CHD7: variants seen among roughly 807,000 people sequenced by gnomAD.
The protein encoded by CHD7 is chromodomain helicase DNA binding protein 7.
In CHD7, 24 loss-of-function variants were observed where a neutral mutation model predicts 307.3. The ratio of observed to expected loss-of-function variants is 0.08; its 90% confidence interval spans 0.06 to 0.11. CHD7 has a LOEUF of 0.11. Among genes scored for constraint, CHD7 ranks in the 10% least tolerant of loss-of-function variants. The probability of loss-of-function intolerance (pLI) is 1.00; values close to 1 mark genes in which losing one functional copy is unlikely to be tolerated. For missense variants in CHD7, 3,106 were observed against 3,727.1 expected (o/e 0.83, Z 4.34); for synonymous variants, 1,363 against 1,349.9 (o/e 1.01, Z -0.21).
At chr8:60,801,856 A>G (rs550779784) in intron 6 of CHD7, among the ~76,000 whole-genome samples, 1 of 152,310 alleles carries the variant, frequency 6.6e-6, no homozygotes, top group African/African-American at 2.4e-5. Context: ...AATGTATGGG[A>G]CTTTCAGAGT....
At chr8:60,856,343 C>T in intron 33 of CHD7, 102 bp from the exon 34 acceptor site, 1 of 1,303,682 alleles carries the variant, frequency 7.7e-7, no homozygotes, top group South Asian at 1.5e-5. Flanking sequence ...GTCATGAATG[C>T]TTAATTCCTT....
At chr8:60,698,770 T>C (rs114009216) in intron 1 of CHD7, among the ~76,000 whole-genome samples, 149 of 152,308 alleles carry the variant, frequency 9.8e-4, no homozygotes, top group African/African-American at 3.2e-3. Context: ...GACTTGACTT[T>C]TCTTCTCTTC....
intron 6 of CHD7, among the ~76,000 whole-genome samples, chr8:60,803,191 A>G (rs1008607019): frequency 2.2e-4 from 33 of 152,228 alleles, no homozygotes; most frequent in African/African-American, 4.6e-4. Flanking sequence ...TTGAAGAACA[A>G]TCCCCTTCAC....
chr8:60,686,077 C>T (rs938009808), intron 1 of CHD7, among the ~76,000 whole-genome samples: 3 of 152,132 alleles, frequency 2.0e-5, no homozygotes, highest in African/African-American at 7.2e-5. Flanking sequence ...CCTCATGGGC[C>T]TTTCTGGTGG....
intron 1 of CHD7, among the ~76,000 whole-genome samples, chr8:60,720,235 A>G (rs1299392388): frequency 6.6e-6 from 1 of 152,214 alleles, no homozygotes; most frequent in African/African-American, 2.4e-5. Flanking sequence ...TTCACTATTG[A>G]AAATGGCACG....
chr8:60,815,894 C>T (rs896045090), intron 7 of CHD7, among the ~76,000 whole-genome samples: 1 of 152,184 alleles, frequency 6.6e-6, no homozygotes, highest in Non-Finnish European at 1.5e-5. Context: ...GGGCACCCTA[C>T]ACCTCTTATC....
intron 1 of CHD7, among the ~76,000 whole-genome samples, chr8:60,717,412 A>G (rs1451696211): frequency 6.6e-6 from 1 of 152,132 alleles, no homozygotes. Context: ...AGCACTATGT[A>G]TTTTGTTTAT....
At position 60,781,422 on chromosome 8, in the gene CHD7, A is replaced by G; in HGVS notation, c.2088A>G (p.Lys696=). 6.6e-7 allele frequency: 1 copy of G among 1,523,146 alleles called. No homozygotes were observed. The highest frequency in any genetic ancestry group is 8.7e-7 in the Non-Finnish European group (1 of 1,144,298). 94.4% of individuals were successfully genotyped at this position (1,523,146 alleles called of 1,614,324 possible). The change falls in exon 3 of 38, where the codon AAA becomes AAG. Residue 696 remains lysine (K), a synonymous_variant. Transcript: ENST00000423902. ...CCACGCCAAAACCCAAATCCAGCAAAAAGTCAAGGTAGGCTGTGGGCAGAA... is the reference window on the plus strand; with the variant it reads ...CCACGCCAAAACCCAAATCCAGCAAGAAGTCAAGGTAGGCTGTGGGCAGAA... ...KTATPKPKSS[K]KSSNKKPDSE... is the part of the protein sequence containing the mutation.
chr8:60,793,192 C>CT (rs2150693832), intron 3 of CHD7, among the ~76,000 whole-genome samples: 1 of 152,084 alleles, frequency 6.6e-6, no homozygotes, highest in Admixed American at 6.6e-5. Context: ...GGGGAGACTT[C>CT]TGTCCATGTG....
rs2150581364 is a variant in CHD7, at chr8:60,743,004, C to T, written c.1572C>T (p.His524=). 1 of 1,613,864 alleles carries T rather than the reference C, an allele frequency of 6.2e-7. No individual in the cohort carries two copies. The highest frequency in any genetic ancestry group is 2.2e-5 in the East Asian group (1 of 44,872). ...CACTGCAGCCTCACCCGGGCTTGCA[C>T]CACCAGTCTTCACCTCCACACCCTC... is the stretch of plus-strand genomic sequence containing the variant. ...CPPLQPHPGL[H]HQSSPPHPHH... Residue 524 remains histidine (H), a synonymous_variant, in exon 2 of 38, where the codon CAC becomes CAT. Transcript: ENST00000423902.
In CHD7 at chr8:60,741,505, G is replaced by C; in HGVS notation, c.73G>C (p.Gly25Arg). 2 of 1,612,842 alleles carry C rather than the reference G, an allele frequency of 1.2e-6. No individual in the cohort carries two copies. The highest frequency in any genetic ancestry group is 1.3e-5 in the African/African-American group (1 of 75,024). The change falls in exon 2 of 38, where the codon GGA becomes CGA. Residue 25 changes from glycine (G) to arginine (R), a missense_variant. Around this residue, in one of 10 missense-constraint regions of CHD7, gnomAD observed 998 missense variants for 1,004.5 expected, o/e 0.99. Coordinates refer to ENST00000423902, the MANE Select transcript of CHD7 (RefSeq NM_017780.4). ...NIFSEGLEGL[G>R]ECGYPENPVN... ...TTTCAGTGAAGGTCTTGAAGGCCTC[G>C]GAGAATGTGGTTACCCGGAAAATCC...
intron 1 of CHD7, among the ~76,000 whole-genome samples, chr8:60,732,115 G>A (rs1259987224): frequency 1.3e-5 from 2 of 152,050 alleles, no homozygotes; most frequent in African/African-American, 4.8e-5. Flanking sequence ...TTCCCTTTAA[G>A]GAAAAGAATG....
intron 3 of CHD7, among the ~76,000 whole-genome samples, chr8:60,793,292 C>G (rs190972677): frequency 6.6e-6 from 1 of 151,566 alleles, no homozygotes; most frequent in African/African-American, 2.4e-5. Context: ...GTGGATCTTT[C>G]GGAGACAGTT....
At chr8:60,744,672 G>A (rs1017371327) in intron 2 of CHD7, among the ~76,000 whole-genome samples, 1 of 151,686 alleles carries the variant, frequency 6.6e-6, no homozygotes, top group African/African-American at 2.4e-5. Flanking sequence ...GGCCAACATG[G>A]TGAAACCCCG....
rs1805314776 is a variant in CHD7 at position 60,848,614 on chromosome 8, A to G, written c.5300+10A>G. On this transcript the variant is annotated intron_variant, in intron 24 of 37. Transcript: ENST00000423902. ...AGGGTGCTGACTCAAGGTTAGTGCG[A>G]GCTCACATTTGTTCTCAACCTCAGT... 2 of 1,605,166 alleles carry G rather than the reference A, an allele frequency of 1.2e-6. No homozygotes were observed. Among genetic ancestry groups the G allele is most frequent in the Non-Finnish European group, 1.7e-6 (2 of 1,172,844 alleles).
chr8:60,748,993 A>AAT (rs1809482239), intron 2 of CHD7, among the ~76,000 whole-genome samples: 26 of 151,580 alleles, frequency 1.7e-4, no homozygotes, highest in Admixed American at 1.7e-3. Flanking sequence ...TTTTTAAAAA[A>AAT]ATAGCCTTTC....
chr8:60,755,727 A>T lies in CHD7; in HGVS notation c.1665+12630A>T, dbSNP rs139743156. 2.5e-3 allele frequency among the ~76,000 whole-genome samples: 378 copies of T among 152,280 alleles called. 1 individual carries two copies. Among genetic ancestry groups the T allele is most frequent in the Non-Finnish European group, 4.4e-3 (297 of 68,018 alleles). ...AAATGAAATGTTTCCTGAATTTTAT[A>T]CTATAGAGTGGTTGCAATCCAGGCT... On this transcript the variant is annotated intron_variant, in intron 2 of 37. Transcript: ENST00000423902.
rs398124321 is a variant in CHD7, at chr8:60,850,486, G to T, written c.5405-7G>T. ...GTGTTTTCTGTGCACGGATGGGCAC[G>T]GCACAGGCTATGAGAAGTACAACTC... is the stretch of plus-strand genomic sequence containing the variant. On this transcript the variant is annotated splice_polypyrimidine_tract_variant and splice_region_variant and intron_variant, in intron 25 of 37. Transcript: ENST00000423902. 1.2e-6 allele frequency: 2 copies of T among 1,602,262 alleles called. No homozygotes were observed. The highest frequency in any genetic ancestry group is 1.7e-6 in the Non-Finnish European group (2 of 1,170,070).
Position 60,841,955 on chromosome 8 carries a change from G to C in CHD7, c.4753G>C (p.Glu1585Gln). 6.2e-7 allele frequency: 1 copy of C among 1,613,242 alleles called. No individual in the cohort carries two copies. Among genetic ancestry groups the C allele is most frequent in the Non-Finnish European group, 8.5e-7 (1 of 1,179,522 alleles). ...EFSDLESDSE[E>Q]KPCAKPRRPQ... is the part of the protein sequence containing the mutation. ...CTCAGACTTGGAAAGTGATTCTGAA[G>C]AAAAGCCCTGTGCAAAGCCACGGCG... The change falls in exon 21 of 38, where the codon GAA becomes CAA. Residue 1585 changes from glutamate (E) to glutamine (Q), a missense_variant. Physicochemically the swap from Glu to Gln is conservative, Grantham distance 29. Transcript: ENST00000423902.
Sources: gnomAD v4.1 joint callset for allele counts (sites outside exome capture counted in the v4.1 genomes callset) on GRCh38, gnomAD v4.1.1 for gene constraint, gnomAD v4.1.1 regional missense constraint, MANE v1.5 for transcripts, NCBI Gene and HGNC (gene_info 2026-07-23, HGNC 2026-07-21) for gene names.